The following MED27 variants were observed in gnomAD, a reference collection of about 807,000 sequenced individuals.
MED27 encodes mediator complex subunit 27.
Under a neutral mutation model 38.2 loss-of-function variants are expected in MED27, and 30 were observed. The ratio of observed to expected loss-of-function variants is 0.79; its 90% CI spans 0.59 to 1.07. The LOEUF is 1.07. Ranked by LOEUF, MED27 falls within the 50% of genes least tolerant of loss-of-function variation. The probability of loss-of-function intolerance (pLI) is 0.00; values close to 1 mark genes in which losing one functional copy is unlikely to be tolerated. For missense variants in MED27, 289 were observed against 397.5 expected, an observed-to-expected ratio of 0.73 and a Z score of 2.32; for synonymous variants, 122 against 153.5, an observed-to-expected ratio of 0.79 and a Z score of 1.52.
At chr9:131,924,939 T>A (rs968094430) in intron 4 of MED27, among the ~76,000 whole-genome samples, 2 of 152,256 alleles carry the variant, frequency 1.3e-5, no homozygotes, top group African/African-American at 4.8e-5. Flanking sequence ...GTGTAATATT[T>A]TCAGTGTTTC....
At chr9:132,042,841 T>A (rs1833247712) in intron 2 of MED27, among the ~76,000 whole-genome samples, 1 of 152,204 alleles carries the variant, frequency 6.6e-6, no homozygotes, top group Non-Finnish European at 1.5e-5. Context: ...GTTTATTCAT[T>A]TGGAACCATG....
chr9:132,053,499 A>T (rs1833509811), intron 2 of MED27, among the ~76,000 whole-genome samples: 1 of 152,218 alleles, frequency 6.6e-6, no homozygotes, highest in African/African-American at 2.4e-5. Flanking sequence ...ACTATGTCCC[A>T]AACTCTGCAG....
chr9:131,931,798 G>C (rs1830592918), intron 4 of MED27, among the ~76,000 whole-genome samples: 1 of 152,096 alleles, frequency 6.6e-6, no homozygotes, highest in African/African-American at 2.4e-5. Context: ...AATTCAGCAA[G>C]AGAATATCAC....
intron 2 of MED27, among the ~76,000 whole-genome samples, chr9:132,057,434 C>T (rs374804938): frequency 1.3e-5 from 2 of 152,206 alleles, no homozygotes; most frequent in East Asian, 3.9e-4. Context: ...GAGGCAGCCG[C>T]GGCAAAGGTC....
intron 3 of MED27, among the ~76,000 whole-genome samples, chr9:131,977,648 G>A (rs1831637791): frequency 6.6e-6 from 1 of 152,130 alleles, no homozygotes; most frequent in South Asian, 2.1e-4. Flanking sequence ...CACCCCAATA[G>A]CCTGGGGCTG....
intron 2 of MED27, among the ~76,000 whole-genome samples, chr9:132,055,019 C>T (rs558714477): frequency 3.9e-5 from 6 of 152,090 alleles, no homozygotes; most frequent in Non-Finnish European, 5.9e-5. Flanking sequence ...TTTGACCATC[C>T]CAGCCTCACT....
chr9:131,978,214 G>A (rs1356106428), intron 3 of MED27, among the ~76,000 whole-genome samples: 1 of 152,054 alleles, frequency 6.6e-6, no homozygotes, highest in Non-Finnish European at 1.5e-5. Flanking sequence ...TCCAGACTAT[G>A]GAAAACAACT....
chr9:131,992,344 A>T (rs954435713), intron 3 of MED27, among the ~76,000 whole-genome samples: 1 of 152,212 alleles, frequency 6.6e-6, no homozygotes, highest in Non-Finnish European at 1.5e-5. Flanking sequence ...AAACGGGGAT[A>T]AAAATCTACA....
intron 2 of MED27, among the ~76,000 whole-genome samples, chr9:132,045,463 C>A: frequency 6.7e-6 from 1 of 150,210 alleles, no homozygotes; most frequent in East Asian, 2.0e-4. Context: ...CAGACACACA[C>A]CTTTTACATG....
chr9:132,003,001 AAG>A lies in MED27; in HGVS notation c.479+11334_479+11335del, dbSNP rs1253175362. Among the ~76,000 whole-genome samples the A allele has an allele frequency of 1.3e-5, 2 of 152,122 alleles. No homozygotes were observed. The highest frequency in any genetic ancestry group is 4.8e-5 in the African/African-American group (2 of 41,412). On this transcript the variant is annotated intron_variant, in intron 3 of 7. Coordinates refer to ENST00000292035, the MANE Select transcript of MED27 (RefSeq NM_004269.4). This position sits in a 1 kb window ranked among gnomAD's most constrained non-coding sequence, Gnocchi z 4.2. Reference sequence around the variant, plus strand: ...GAAAGAACAGAAAGATCTGAAACAAAAGAGTTTCACTTACAACCAGCATTAGT... The same window carrying A: ...GAAAGAACAGAAAGATCTGAAACAAAAGTTTCACTTACAACCAGCATTAGT...
At chr9:132,040,248 C>T (rs1198232494) in intron 2 of MED27, among the ~76,000 whole-genome samples, 3 of 152,180 alleles carry the variant, frequency 2.0e-5, no homozygotes, top group Admixed American at 6.5e-5. Flanking sequence ...CTCTTCCCTG[C>T]GGCGGGGAAA....
At chr9:131,919,457 G>A (rs961303652) in intron 4 of MED27, among the ~76,000 whole-genome samples, 1 of 149,612 alleles carries the variant, frequency 6.7e-6, no homozygotes, top group Non-Finnish European at 1.5e-5. Flanking sequence ...TTGGCTTCAA[G>A]TGATTTTTTT....
At position 131,913,778 on chromosome 9, in the gene MED27, AT is replaced by A. The variant is rs573405310; in HGVS notation, c.574-19787del. On this transcript the variant is annotated intron_variant, in intron 4 of 7. Transcript: ENST00000292035. This position sits in a 1 kb window ranked among gnomAD's most constrained non-coding sequence, Gnocchi z 4.5. The stretch of plus-strand genomic sequence containing the variant: ...GCCTGCCTCCCGCTTTACCCCATCA[AT>A]TCTGGGGCGAAACTGACACTTCTAA... Among the ~76,000 whole-genome samples, 3 of 152,202 alleles carry A rather than the reference AT, an allele frequency of 2.0e-5. No individual in the cohort carries two copies. The South Asian group carries it at 6.2e-4, about 32-fold the overall frequency.
In MED27 at chr9:132,010,179, T is replaced by C. The variant is rs192244868; in HGVS notation, c.479+4158A>G. Among the ~76,000 whole-genome samples the C allele has an allele frequency of 2.6e-5, 4 of 152,362 alleles. No homozygotes were observed. In the East Asian group the frequency reaches 7.7e-4, roughly 29 times the overall value. On this transcript the variant is annotated intron_variant, in intron 3 of 7. Transcript: ENST00000292035. ...GAATGGTATTGCCTAGGTTTTCTTC[T>C]AGGGTTTTTATGGTTTTAGGTCTAA...
chr9:131,919,811 C>CT (rs34501268), intron 4 of MED27, among the ~76,000 whole-genome samples: 70,906 of 141,686 alleles, frequency 0.5, 17,765 homozygotes, highest in Middle Eastern at 0.57. Context: ...ATTCTTCTTC[C>CT]TTTTTTTTTT....
At chr9:132,055,836 C>A (rs1389857936) in intron 2 of MED27, among the ~76,000 whole-genome samples, 1 of 152,186 alleles carries the variant, frequency 6.6e-6, no homozygotes, top group Non-Finnish European at 1.5e-5. Context: ...AGAAAAGTAG[C>A]CATTTATTGA....
At chr9:131,946,678 G>T (rs1238504952) in intron 3 of MED27, among the ~76,000 whole-genome samples, 1 of 152,190 alleles carries the variant, frequency 6.6e-6, no homozygotes, top group Non-Finnish European at 1.5e-5. Flanking sequence ...CACTCCAGCT[G>T]CAGTGACTGT....
At chr9:132,010,161 A>G (rs1188206736) in intron 3 of MED27, among the ~76,000 whole-genome samples, 1 of 152,162 alleles carries the variant, frequency 6.6e-6, no homozygotes, top group Non-Finnish European at 1.5e-5. Flanking sequence ...CCTGAATGGT[A>G]TTGCCTAGGT....
rs545259061 is a variant in MED27 at position 131,913,845 on chromosome 9, C to T, written c.574-19853G>A. Among the ~76,000 whole-genome samples the T allele has an allele frequency of 3.9e-5, 6 of 152,290 alleles. No individual in the cohort carries two copies. Among genetic ancestry groups the T allele is most frequent in the South Asian group, 2.1e-4 (1 of 4,812 alleles). ...GTCCAATGATTCCCTGAGCCACTGG[C>T]GTGGTACCAAACGCAGGACAGCACT... is the stretch of plus-strand genomic sequence containing the variant. On this transcript the variant is annotated intron_variant, in intron 4 of 7. Coordinates refer to ENST00000292035, the MANE Select transcript of MED27 (RefSeq NM_004269.4). This position sits in a 1 kb window ranked among gnomAD's most constrained non-coding sequence, Gnocchi z 4.5.
Sources: gnomAD v4.1 joint callset for allele counts (sites outside exome capture counted in the v4.1 genomes callset) on GRCh38, gnomAD v4.1.1 for gene constraint, Gnocchi (gnomAD v3.1) non-coding constraint, MANE v1.5 for transcripts, NCBI Gene and HGNC (gene_info 2026-07-23, HGNC 2026-07-21) for gene names.